Variants in FAM117B observed in about 807,000 individuals in gnomAD.
FAM117B encodes protein FAM117B.
In FAM117B, 22 loss-of-function variants were observed where a neutral mutation model predicts 52.8. The ratio of observed to expected loss-of-function variants is 0.42; its 90% CI spans 0.30 to 0.59. The LOEUF (loss-of-function observed/expected upper bound fraction) is 0.59. Ranked by LOEUF, FAM117B falls within the 20% of genes least tolerant of loss-of-function variation. FAM117B has a pLI of 0.22. For synonymous variants in FAM117B, 309 were observed against 324.1 expected (o/e 0.95, Z 0.50); for missense variants, 678 against 802.6 (o/e 0.84, Z 1.88).
chr2:202,759,033 C>T (rs1232218848), intron 6 of FAM117B, among the ~76,000 whole-genome samples, 200 bp from the exon 7 acceptor site: 1 of 152,118 alleles, frequency 6.6e-6, no homozygotes, highest in African/African-American at 2.4e-5. Flanking sequence ...GTGATACAGG[C>T]CTAGGCTATG....
intron 1 of FAM117B, among the ~76,000 whole-genome samples, chr2:202,668,323 G>A (rs1690240128): frequency 6.8e-6 from 1 of 147,568 alleles, no homozygotes; most frequent in African/African-American, 2.5e-5. Context: ...TAGCTACTTG[G>A]GAGGCTGAGG....
intron 1 of FAM117B, among the ~76,000 whole-genome samples, chr2:202,636,542 T>G (rs1689689642): frequency 6.6e-6 from 1 of 152,206 alleles, no homozygotes; most frequent in Non-Finnish European, 1.5e-5. Context: ...GGAAGCTTTC[T>G]TGGGGAAGGT....
intron 1 of FAM117B, among the ~76,000 whole-genome samples, chr2:202,642,123 T>C: frequency 6.8e-6 from 1 of 147,786 alleles, no homozygotes; most frequent in East Asian, 1.9e-4. Context: ...TGTACTTTTT[T>C]TTTTTTTTTT....
At chr2:202,710,442 A>T (rs1690939625) in intron 2 of FAM117B, among the ~76,000 whole-genome samples, 1 of 152,028 alleles carries the variant, frequency 6.6e-6, no homozygotes, top group Non-Finnish European at 1.5e-5. Flanking sequence ...GTATATATTT[A>T]TGGGGTAGCT....
intron 4 of FAM117B, among the ~76,000 whole-genome samples, chr2:202,730,585 G>A (rs1436735874): frequency 6.6e-6 from 1 of 152,156 alleles, no homozygotes; most frequent in African/African-American, 2.4e-5. Context: ...CACGAGAATA[G>A]CTTGAATCTG....
Position 202,719,762 on chromosome 2 carries a change from A to G in FAM117B, c.754-5155A>G, listed in dbSNP as rs1347227175. On this transcript the variant is annotated intron_variant, in intron 2 of 7. Coordinates refer to ENST00000392238, the MANE Select transcript of FAM117B (RefSeq NM_173511.4). Reference sequence around the variant, plus strand: ...GCTAGGATCCAGTCAGGGAGCACACATGGCATTTACATGTCATTTCTCTTC... The same window carrying G: ...GCTAGGATCCAGTCAGGGAGCACACGTGGCATTTACATGTCATTTCTCTTC... Among the ~76,000 whole-genome samples the G allele has an allele frequency of 3.9e-5, 6 of 152,174 alleles. No individual in the cohort carries two copies. In the East Asian group the frequency reaches 1.2e-3, roughly 29 times the overall value.
At chr2:202,645,798 G>T (rs998072317) in intron 1 of FAM117B, among the ~76,000 whole-genome samples, 1 of 151,646 alleles carries the variant, frequency 6.6e-6, no homozygotes, top group South Asian at 2.1e-4. Context: ...TAGAGACGGG[G>T]TTTTACCAAA....
At chr2:202,718,357 A>G (rs990881458) in intron 2 of FAM117B, among the ~76,000 whole-genome samples, 6 of 152,048 alleles carry the variant, frequency 3.9e-5, no homozygotes, top group African/African-American at 1.2e-4. Context: ...CTCCTTTATG[A>G]ATTTTATTTT....
At chr2:202,680,712 A>G (rs976493976) in intron 1 of FAM117B, among the ~76,000 whole-genome samples, 5 of 152,258 alleles carry the variant, frequency 3.3e-5, no homozygotes, top group Non-Finnish European at 7.3e-5. Flanking sequence ...AAGTGCTAAT[A>G]GATAAAATGA....
At chr2:202,638,916 G>C (rs1453787449) in intron 1 of FAM117B, among the ~76,000 whole-genome samples, 1 of 152,168 alleles carries the variant, frequency 6.6e-6, no homozygotes, top group Non-Finnish European at 1.5e-5. Flanking sequence ...TTTCACTCTA[G>C]TAAATATCCA....
chr2:202,725,074 A>G (rs779710769), intron 3 of FAM117B, 65 bp downstream of exon 3: 2 of 1,231,448 alleles, frequency 1.6e-6, no homozygotes, highest in African/African-American at 3.0e-5. Flanking sequence ...TATTTCCTTG[A>G]TATTATGGGC....
chr2:202,677,101 C>T (rs1690389206), intron 1 of FAM117B, among the ~76,000 whole-genome samples: 2 of 150,490 alleles, frequency 1.3e-5, no homozygotes, highest in African/African-American at 4.9e-5. Context: ...GACAGTCTCG[C>T]TCTGTCACCA....
chr2:202,708,011 C>A (rs773438318), intron 2 of FAM117B, among the ~76,000 whole-genome samples: 24 of 152,090 alleles, frequency 1.6e-4, no homozygotes, highest in Non-Finnish European at 2.8e-4. Context: ...CTCAGGTGAT[C>A]CACTCGCCTT....
At chr2:202,723,378 G>C (rs1470291406) in intron 2 of FAM117B, among the ~76,000 whole-genome samples, 5 of 152,178 alleles carry the variant, frequency 3.3e-5, no homozygotes, top group African/African-American at 1.2e-4. Flanking sequence ...AGAAGGTACA[G>C]AAGGGTATAC....
chr2:202,638,296 G>A (rs1689717474), intron 1 of FAM117B, among the ~76,000 whole-genome samples: 1 of 152,210 alleles, frequency 6.6e-6, no homozygotes, highest in Non-Finnish European at 1.5e-5. Context: ...CAGTAGAGGT[G>A]GCAGAAGGAG....
chr2:202,724,084 G>A (rs1174343269), intron 2 of FAM117B, among the ~76,000 whole-genome samples: 6 of 105,688 alleles, frequency 5.7e-5, no homozygotes, highest in South Asian at 3.1e-4. Flanking sequence ...TTGAGACGGA[G>A]CCTCCCTCTG....
chr2:202,676,208 G>A (rs1264890470), intron 1 of FAM117B, among the ~76,000 whole-genome samples: 2 of 151,976 alleles, frequency 1.3e-5, no homozygotes, highest in East Asian at 3.9e-4. Context: ...AGGTTTGCCA[G>A]TAGCCATATG....
At position 202,766,929 on chromosome 2, in the gene FAM117B, G is replaced by T. The variant is rs1474957935; in HGVS notation, c.*1165G>T. On this transcript the variant is annotated 3_prime_UTR_variant, in exon 8 of 8. Coordinates refer to ENST00000392238, the MANE Select transcript of FAM117B (RefSeq NM_173511.4). ...TCCTGTGACTGACATTTTTCTTTGTGGTGGTGGTTGGCCCTGAGATTTGTT... is the reference window on the plus strand; with the variant it reads ...TCCTGTGACTGACATTTTTCTTTGTTGTGGTGGTTGGCCCTGAGATTTGTT... 2 of 152,598 alleles carry T rather than the reference G, an allele frequency of 1.3e-5. No individual in the cohort carries two copies. Among genetic ancestry groups the T allele is most frequent in the East Asian group, 3.9e-4 (2 of 5,180 alleles). 9.5% of individuals were successfully genotyped at this position (152,598 alleles called of 1,614,324 possible). A position where few individuals can be genotyped will look rare whatever the true frequency, so the allele number is the denominator to read the frequency against.
chr2:202,659,654 G>T (rs2105760658), intron 1 of FAM117B, among the ~76,000 whole-genome samples: 1 of 116,420 alleles, frequency 8.6e-6, no homozygotes, highest in South Asian at 2.8e-4. Flanking sequence ...TTGCCCTGTT[G>T]CCCAGGCTGG....
Sources: allele counts gnomAD v4.1 joint callset (sites outside exome capture counted in the v4.1 genomes callset), GRCh38; gene constraint gnomAD v4.1.1; transcripts MANE v1.5; gene names NCBI Gene and HGNC (gene_info 2026-07-23, HGNC 2026-07-21).